Variants in PDSS2 observed in about 807,000 individuals in gnomAD.
PDSS2 encodes decaprenyl diphosphate synthase subunit 2.
Under a neutral mutation model 44.5 loss-of-function variants are expected in PDSS2, and 31 were observed. The ratio of observed to expected loss-of-function variants is 0.70; its 90% CI spans 0.52 to 0.94. The LOEUF (loss-of-function observed/expected upper bound fraction) is 0.94, where lower values mean the gene tolerates loss of function less well. Among genes scored for constraint, PDSS2 ranks in the 40% least tolerant of loss-of-function variants. The pLI, the probability that PDSS2 is intolerant of heterozygous loss-of-function variation, is 0.00. For synonymous variants in PDSS2, 157 were observed against 180.3 expected (o/e 0.87, Z 1.03); for missense variants, 452 against 482.2 (o/e 0.94, Z 0.59).
chr6:107,178,836 C>A (rs1034883960), intron 7 of PDSS2, among the ~76,000 whole-genome samples: 1 of 152,132 alleles, frequency 6.6e-6, no homozygotes, highest in African/African-American at 2.4e-5. Flanking sequence ...GCCTGGCCAA[C>A]ATAGTGAAAC....
At chr6:107,387,239 G>A (rs1374150736) in intron 1 of PDSS2, among the ~76,000 whole-genome samples, 4 of 152,314 alleles carry the variant, frequency 2.6e-5, no homozygotes, top group Admixed American at 2.6e-4. Context: ...ACTGTTCTTG[G>A]AGATGAGATG....
At chr6:107,360,371 G>A (rs984611738) in intron 1 of PDSS2, among the ~76,000 whole-genome samples, 3 of 152,136 alleles carry the variant, frequency 2.0e-5, no homozygotes, top group African/African-American at 7.2e-5. Flanking sequence ...AAAATGTGGT[G>A]CATAGAGTCT....
chr6:107,220,937 T>TA (rs1199509989), intron 4 of PDSS2, among the ~76,000 whole-genome samples: 1 of 152,196 alleles, frequency 6.6e-6, no homozygotes, highest in African/African-American at 2.4e-5. Flanking sequence ...GTATAAATTG[T>TA]AAAATGCCAA....
At chr6:107,449,923 T>C (rs1450498285) in intron 1 of PDSS2, among the ~76,000 whole-genome samples, 1 of 152,182 alleles carries the variant, frequency 6.6e-6, no homozygotes, top group African/African-American at 2.4e-5. Flanking sequence ...ATACCACATT[T>C]TGTTAATCCT....
intron 1 of PDSS2, among the ~76,000 whole-genome samples, chr6:107,350,820 AG>A (rs1398779092): frequency 6.6e-6 from 1 of 152,152 alleles, no homozygotes; most frequent in African/African-American, 2.4e-5. Flanking sequence ...CAAAAAAAAA[AG>A]TAAACAAACA....
intron 7 of PDSS2, among the ~76,000 whole-genome samples, 160 bp from the exon 8 acceptor site, chr6:107,154,937 C>T (rs1240620152): frequency 1.3e-5 from 2 of 152,100 alleles, no homozygotes; most frequent in African/African-American, 4.8e-5. Context: ...CATCATTTCC[C>T]AGTGATCTTG....
intron 3 of PDSS2, among the ~76,000 whole-genome samples, chr6:107,253,963 A>G (rs1173589636): frequency 6.6e-6 from 1 of 151,920 alleles, no homozygotes; most frequent in East Asian, 1.9e-4. Flanking sequence ...AGAAGTTTTG[A>G]GACTAGCCTG....
At chr6:107,301,950 C>G (rs1308784367) in intron 2 of PDSS2, among the ~76,000 whole-genome samples, 2 of 133,694 alleles carry the variant, frequency 1.5e-5, no homozygotes, top group African/African-American at 2.8e-5. Context: ...AAAAAAAGTT[C>G]AAGTAGGTAA....
intron 1 of PDSS2, among the ~76,000 whole-genome samples, chr6:107,403,076 G>A (rs774134524): frequency 3.4e-4 from 51 of 152,052 alleles, no homozygotes; most frequent in Non-Finnish European, 6.2e-4. Context: ...AGTCCCTTCC[G>A]CCTAGGAGCC....
intron 2 of PDSS2, among the ~76,000 whole-genome samples, chr6:107,295,393 A>G (rs1292024850): frequency 6.6e-6 from 1 of 152,176 alleles, no homozygotes; most frequent in Non-Finnish European, 1.5e-5. Context: ...TTTCCATCCA[A>G]GTTCATTGAT....
At chr6:107,455,536 A>C (rs1782009591) in intron 1 of PDSS2, among the ~76,000 whole-genome samples, 1 of 151,948 alleles carries the variant, frequency 6.6e-6, no homozygotes, top group African/African-American at 2.4e-5. Context: ...TGGGCAGATC[A>C]TGAGGGCAGG....
intron 7 of PDSS2, among the ~76,000 whole-genome samples, chr6:107,190,107 C>T (rs1212771139): frequency 6.6e-6 from 1 of 151,404 alleles, no homozygotes; most frequent in Non-Finnish European, 1.5e-5. Context: ...CAAAAATAAC[C>T]AAAATAAGCA....
At chr6:107,430,746 T>G (rs1781169592) in intron 1 of PDSS2, among the ~76,000 whole-genome samples, 1 of 151,566 alleles carries the variant, frequency 6.6e-6, no homozygotes, top group Non-Finnish European at 1.5e-5. Flanking sequence ...GAGGCGGAGG[T>G]TGCGGTGAGC....
rs75335097 is a variant in PDSS2, at chr6:107,368,534, A to G, written c.297-34202T>C. Among the ~76,000 whole-genome samples, 10 of 152,298 alleles carry G rather than the reference A, an allele frequency of 6.6e-5. No individual in the cohort carries two copies. In the East Asian group the frequency reaches 1.9e-3, roughly 29 times the overall value. ...ATATAAATTCAGCACAATCCCTATC[A>G]AAATCCCAGAAGACTTTTAACAGAA... On this transcript the variant is annotated intron_variant, in intron 1 of 7. Coordinates refer to ENST00000369037, the MANE Select transcript of PDSS2 (RefSeq NM_020381.4).
chr6:107,417,478 GC>G (rs1780697030), intron 1 of PDSS2, among the ~76,000 whole-genome samples: 1 of 152,150 alleles, frequency 6.6e-6, no homozygotes, highest in African/African-American at 2.4e-5. Flanking sequence ...AAAAATATTG[GC>G]CAGGTACAGT....
At chr6:107,165,240 G>A (rs9373926) in intron 7 of PDSS2, among the ~76,000 whole-genome samples, 105,274 of 151,864 alleles carry the variant, frequency 0.69, 36,887 homozygotes, top group African/African-American at 0.74. Flanking sequence ...GTCCTTGCCC[G>A]TGCCTATGTC....
intron 1 of PDSS2, among the ~76,000 whole-genome samples, chr6:107,424,650 T>C (rs1216447419): frequency 6.6e-6 from 1 of 152,160 alleles, no homozygotes; most frequent in South Asian, 2.1e-4. Context: ...TTTGTCTTCC[T>C]GCAGCAAAAA....
chr6:107,344,403 T>C (rs991123822), intron 1 of PDSS2, among the ~76,000 whole-genome samples: 3 of 152,190 alleles, frequency 2.0e-5, no homozygotes, highest in Non-Finnish European at 2.9e-5. Flanking sequence ...ATTACTGCCA[T>C]ATCTATTCTA....
Position 107,274,174 on chromosome 6 carries a change from T to C in PDSS2, c.485A>G (p.His162Arg). The part of the protein sequence containing the change: ...TELIHIALLV[H>R]RGIVNLNELQ... ...CTCATTTAAATTTACTATCCCACGATGTACAAGGAGAGCAATATGAATTAG... is the reference window on the plus strand; with the variant it reads ...CTCATTTAAATTTACTATCCCACGACGTACAAGGAGAGCAATATGAATTAG... Residue 162 changes from histidine to arginine, a missense_variant, in exon 3 of 8, where the codon CAT (histidine) becomes CGT (arginine). Transcript: ENST00000369037. 3 of 1,614,034 alleles carry C rather than the reference T, an allele frequency of 1.9e-6. No individual in the cohort carries two copies. The highest frequency in any genetic ancestry group is 2.5e-6 in the Non-Finnish European group (3 of 1,179,866).
Sources: gnomAD v4.1 joint callset for allele counts (sites outside exome capture counted in the v4.1 genomes callset) on GRCh38, gnomAD v4.1.1 for gene constraint, MANE v1.5 for transcripts, NCBI Gene and HGNC (gene_info 2026-07-23, HGNC 2026-07-21) for gene names.